DGKB: variants seen among roughly 807,000 people sequenced by gnomAD.
DGKB encodes diacylglycerol kinase beta.
DGKB carries 67 observed loss-of-function variants against 114.3 expected under a neutral mutation model. The observed-to-expected ratio is 0.59, with a 90% CI of 0.48 to 0.72. The LOEUF (loss-of-function observed/expected upper bound fraction) is 0.72. Ranked by LOEUF, DGKB falls within the 30% of genes least tolerant of loss-of-function variation. The probability of loss-of-function intolerance (pLI) is 0.00; values close to 1 mark genes in which losing one functional copy is unlikely to be tolerated. For synonymous variants in DGKB, 398 were observed against 323.1 expected, an observed-to-expected ratio of 1.23 and a Z score of -2.49; for missense variants, 907 against 975.2, an observed-to-expected ratio of 0.93 and a Z score of 0.93.
chr7:14,885,612 G>A (rs959081321), intron 1 of DGKB, among the ~76,000 whole-genome samples: 8 of 151,820 alleles, frequency 5.3e-5, no homozygotes, highest in Non-Finnish European at 1.0e-4. Context: ...ATACATGGAT[G>A]GGGCACAGTT....
chr7:14,768,562 C>A (rs1417034912), intron 2 of DGKB, among the ~76,000 whole-genome samples: 1 of 146,694 alleles, frequency 6.8e-6, no homozygotes, highest in Non-Finnish European at 1.5e-5. Context: ...CCAATGGTAT[C>A]AGTACCTCCA....
At chr7:14,196,861 C>G (rs1245130114) in intron 23 of DGKB, among the ~76,000 whole-genome samples, 1 of 151,952 alleles carries the variant, frequency 6.6e-6, no homozygotes, top group African/African-American at 2.4e-5. Flanking sequence ...CAAAAAATCT[C>G]TGTGAAAAAG....
intron 2 of DGKB, among the ~76,000 whole-genome samples, chr7:14,799,802 C>T (rs1841906359): frequency 6.6e-6 from 1 of 152,110 alleles, no homozygotes; most frequent in African/African-American, 2.4e-5. Flanking sequence ...ACAATTGGGC[C>T]ATATGAACCA....
chr7:14,540,076 A>G (rs773689230), intron 20 of DGKB, among the ~76,000 whole-genome samples: 189 of 152,172 alleles, frequency 1.2e-3, no homozygotes, highest in Non-Finnish European at 3.5e-4. Flanking sequence ...ATTTATTAAC[A>G]TGCACAGACC....
At chr7:14,883,805 C>T (rs1854605076) in intron 1 of DGKB, among the ~76,000 whole-genome samples, 1 of 151,996 alleles carries the variant, frequency 6.6e-6, no homozygotes, top group African/African-American at 2.4e-5. Flanking sequence ...ATAACAAATG[C>T]TGTAGTGAAA....
chr7:14,862,118 G>C (rs1316416687), intron 1 of DGKB, among the ~76,000 whole-genome samples: 2 of 151,970 alleles, frequency 1.3e-5, no homozygotes, highest in South Asian at 4.2e-4. Flanking sequence ...ATGAACTTGA[G>C]AATCTTATTT....
In DGKB at chr7:14,286,389, T is replaced by A. The variant is rs1800878072; in HGVS notation, c.2122+52126A>T. On this transcript the variant is annotated intron_variant, in intron 23 of 25. Transcript: ENST00000402815. ...AATTTTTTGGCATCTAAACTTTGAA[T>A]AGTGAAAGAATACAGAGAATGTATT... Among the ~76,000 whole-genome samples the A allele has an allele frequency of 2.0e-5, 3 of 152,290 alleles. No individual in the cohort carries two copies. The South Asian group carries it at 6.2e-4, about 32-fold the overall frequency.
chr7:14,195,792 A>C (rs556034188), intron 23 of DGKB, among the ~76,000 whole-genome samples: 2 of 152,302 alleles, frequency 1.3e-5, no homozygotes, highest in East Asian at 1.9e-4. Context: ...AAAGTGATTT[A>C]CAGTAAACAT....
intron 23 of DGKB, among the ~76,000 whole-genome samples, chr7:14,263,678 T>A (rs1797090105): frequency 1.3e-5 from 2 of 152,188 alleles, no homozygotes; most frequent in South Asian, 4.1e-4. Flanking sequence ...TGAGAAATGA[T>A]CATTTTTGAG....
chr7:14,583,309 A>C (rs1800235492), intron 17 of DGKB, among the ~76,000 whole-genome samples, 172 bp from the exon 18 acceptor site: 1 of 152,078 alleles, frequency 6.6e-6, no homozygotes, highest in East Asian at 1.9e-4. Flanking sequence ...TTATATATTC[A>C]AGATTCTATA....
chr7:14,619,805 T>C (rs1038285535), intron 15 of DGKB, among the ~76,000 whole-genome samples: 1 of 151,694 alleles, frequency 6.6e-6, no homozygotes, highest in Non-Finnish European at 1.5e-5. Context: ...TGATCTCATA[T>C]GTTTATTGAG....
intron 21 of DGKB, among the ~76,000 whole-genome samples, chr7:14,458,555 G>C (rs976900382): frequency 6.6e-6 from 1 of 152,092 alleles, no homozygotes; most frequent in African/African-American, 2.4e-5. Context: ...AGGGTGAGCC[G>C]AAGCAGGGTA....
chr7:14,407,857 G>A (rs1459720417), intron 21 of DGKB, among the ~76,000 whole-genome samples: 1 of 151,948 alleles, frequency 6.6e-6, no homozygotes, highest in East Asian at 1.9e-4. Flanking sequence ...AAGAGAGATA[G>A]AATAGACAGA....
intron 1 of DGKB, among the ~76,000 whole-genome samples, chr7:14,880,120 A>C (rs2128211563): frequency 6.6e-6 from 1 of 152,294 alleles, no homozygotes; most frequent in African/African-American, 2.4e-5. Flanking sequence ...ATATGGAAAA[A>C]GTGGATCCAG....
intron 19 of DGKB, among the ~76,000 whole-genome samples, 162 bp downstream of exon 19, chr7:14,580,700 T>G (rs1339696561): frequency 6.6e-6 from 1 of 152,196 alleles, no homozygotes; most frequent in East Asian, 1.9e-4. Flanking sequence ...CCACTATTTG[T>G]TCTTCTATCC....
chr7:14,764,947 A>G (rs1382293596), intron 2 of DGKB, among the ~76,000 whole-genome samples: 2 of 151,992 alleles, frequency 1.3e-5, no homozygotes, highest in African/African-American at 2.4e-5. Context: ...ATAAATACCT[A>G]CAGGACTATA....
rs546801537 is a variant in DGKB, at chr7:14,338,755, T to C, written c.1927-45A>G. The C allele has an allele frequency of 5.8e-6, 7 of 1,209,314 alleles. No individual in the cohort carries two copies. The South Asian group carries it at 1.3e-4, about 23-fold the overall frequency. The allele number at this position is 1,209,314 out of a possible 1,614,324, so 74.9% of individuals were successfully genotyped here. On this transcript the variant is annotated intron_variant, in intron 22 of 25. Transcript: ENST00000402815. ...AAACAGAAACGGAATATTTTATCTT[T>C]ATTTCCCTGATTTCTTGTTTTTCAT...
chr7:14,242,058 C>T (rs1437294508), intron 23 of DGKB, among the ~76,000 whole-genome samples: 2 of 151,726 alleles, frequency 1.3e-5, no homozygotes, highest in African/African-American at 2.4e-5. Context: ...CAATATGGAG[C>T]AAATCAACTT....
intron 21 of DGKB, among the ~76,000 whole-genome samples, chr7:14,357,681 C>T (rs895514140): frequency 1.3e-5 from 2 of 152,156 alleles, no homozygotes; most frequent in Non-Finnish European, 2.9e-5. Context: ...GATGCAGTTT[C>T]TTCATAGCAT....
Sources: gnomAD v4.1 joint callset for allele counts (sites outside exome capture counted in the v4.1 genomes callset) on GRCh38, gnomAD v4.1.1 for gene constraint, MANE v1.5 for transcripts, NCBI Gene and HGNC (gene_info 2026-07-23, HGNC 2026-07-21) for gene names.